The following BLNK variants were observed in gnomAD, a reference collection of about 807,000 sequenced individuals.
BLNK encodes the protein B cell linker.
A neutral mutation model predicts 73.5 loss-of-function variants in BLNK; 29 were observed. That is an observed-to-expected ratio of 0.39 (90% CI 0.29 to 0.54). The LOEUF is 0.54. BLNK is among the 20% of genes least tolerant of loss of function. The pLI, the probability that BLNK is intolerant of heterozygous loss-of-function variation, is 0.61. For missense variants in BLNK, 460 were observed against 562.8 expected, an observed-to-expected ratio of 0.82 and a Z score of 1.85; for synonymous variants, 176 against 200.8, an observed-to-expected ratio of 0.88 and a Z score of 1.04.
In BLNK at chr10:96,191,060, ATGT is replaced by A. The variant is rs2083320699; in HGVS notation, c.*910_*912del. On this transcript the variant is annotated 3_prime_UTR_variant, in exon 17 of 17. Coordinates refer to ENST00000224337, the MANE Select transcript of BLNK (RefSeq NM_013314.4). ...CTGAATCACGCGGGCAGGTTTTCCC[ATGT>A]TGTTGTGATAGTGAGTAAGTCTCAT... Among the ~76,000 whole-genome samples, 1 of 152,026 alleles carries A rather than the reference ATGT, an allele frequency of 6.6e-6. No homozygotes were observed. The highest frequency in any genetic ancestry group is 2.1e-4 in the South Asian group (1 of 4,802).
In BLNK at chr10:96,191,235, C is replaced by CTTTT. The variant is rs34920263; in HGVS notation, c.*734_*737dup. Among the ~76,000 whole-genome samples, 278 of 130,240 alleles carry CTTTT rather than the reference C, an allele frequency of 2.1e-3. 9 individuals carry two copies. Among genetic ancestry groups the CTTTT allele is most frequent in the African/African-American group, 4.8e-3 (164 of 34,412 alleles). 85.4% of individuals were successfully genotyped at this position (130,240 alleles called of 152,430 possible). ...GTGGAACTGTGAGTCCATTAAACCT[C>CTTTT]TTTTTTTTTTTTTTTTTTTATGTAA... On this transcript the variant is annotated 3_prime_UTR_variant, in exon 17 of 17. Coordinates refer to ENST00000224337, the MANE Select transcript of BLNK (RefSeq NM_013314.4).
chr10:96,204,036 A>G lies in BLNK; in HGVS notation c.934+21T>C, dbSNP rs781936696. On this transcript the variant is annotated intron_variant, in intron 13 of 16. Coordinates refer to ENST00000224337, the MANE Select transcript of BLNK (RefSeq NM_013314.4). ...AGCCTCGACCACTCCCTGATACACTACATGGCTTCGTTGTACTTACTTGGC... is the reference window on the plus strand; with the variant it reads ...AGCCTCGACCACTCCCTGATACACTGCATGGCTTCGTTGTACTTACTTGGC... 5 of 1,607,822 alleles carry G rather than the reference A, an allele frequency of 3.1e-6. No homozygotes were observed. The South Asian group carries it at 5.5e-5, about 18-fold the overall frequency.
Position 96,189,790 on chromosome 10 carries a change from G to T in BLNK, c.*2183C>A, listed in dbSNP as rs587717292. 4.5e-5 allele frequency: 41 copies of T among 916,456 alleles called. No homozygotes were observed. The highest frequency in any genetic ancestry group is 3.7e-4 in the Admixed American group (21 of 57,440). 56.8% of individuals were successfully genotyped at this position (916,456 alleles called of 1,614,324 possible). A position where few individuals can be genotyped will look rare whatever the true frequency, so the allele number is the denominator to read the frequency against. The stretch of plus-strand genomic sequence containing the variant: ...CTGGAATCTTGCTACCACCTCCAGG[G>T]ACAGATCACTTTCCAGATATCCTTA... On this transcript the variant is annotated 3_prime_UTR_variant, in exon 17 of 17. Coordinates refer to ENST00000224337, the MANE Select transcript of BLNK (RefSeq NM_013314.4).
chr10:96,195,874 A>G (rs942078844), intron 16 of BLNK, among the ~76,000 whole-genome samples: 6 of 152,214 alleles, frequency 3.9e-5, no homozygotes, highest in Non-Finnish European at 2.9e-5. Context: ...TGCAAATGCT[A>G]TTCTCCTGCC....
intron 13 of BLNK, 53 bp downstream of exon 13, chr10:96,204,004 A>G (rs1256998453): frequency 7.3e-6 from 11 of 1,508,360 alleles, no homozygotes; most frequent in Non-Finnish European, 9.2e-6. Flanking sequence ...ATCAGACTCT[A>G]GGATCCAGCC....
At position 96,200,930 on chromosome 10, in the gene BLNK, T is replaced by G; in HGVS notation, c.1011+52A>C. The stretch of plus-strand genomic sequence containing the variant: ...GTCTTCTTCTCAGAAGACATGCTCT[T>G]TCCTGCAGTTTCCTGGTAACAATTT... On this transcript the variant is annotated intron_variant, in intron 14 of 16. Transcript: ENST00000224337. This position sits in a 1 kb window ranked among gnomAD's most constrained non-coding sequence, Gnocchi z 4.3. The G allele has an allele frequency of 6.7e-7, 1 of 1,502,390 alleles. No homozygotes were observed. The highest frequency in any genetic ancestry group is 2.3e-5 in the East Asian group (1 of 44,266). 93.1% of individuals were successfully genotyped at this position (1,502,390 alleles called of 1,614,324 possible). A position where few individuals can be genotyped will look rare whatever the true frequency, so the allele number is the denominator to read the frequency against.
intron 2 of BLNK, among the ~76,000 whole-genome samples, chr10:96,243,120 G>A (rs1842931083): frequency 1.3e-5 from 2 of 152,124 alleles, no homozygotes; most frequent in Admixed American, 1.3e-4. Flanking sequence ...GGTTGGTAAG[G>A]TAAGTGTTGA....
chr10:96,209,852 C>A lies in BLNK; in HGVS notation c.732G>T (p.Pro244=), dbSNP rs782456480. The change falls in exon 9 of 17, where the codon CCG becomes CCT. Residue 244 remains proline (P), a synonymous_variant. Transcript: ENST00000224337. ...CAGGTACTTACCCGGCCCGTGGCAA[C>A]GGGGATGGTGCAGCTGGTGGAGGTG... The part of the protein sequence containing the change: ...TKSPPPAAPS[P]LPRAGKKPTT... 5 of 1,614,180 alleles carry A rather than the reference C, an allele frequency of 3.1e-6. No homozygotes were observed. In the Admixed American group the frequency reaches 6.7e-5, roughly 22 times the overall value.
chr10:96,235,626 G>A (rs1372666730), intron 3 of BLNK, among the ~76,000 whole-genome samples: 2 of 152,198 alleles, frequency 1.3e-5, no homozygotes, highest in Non-Finnish European at 2.9e-5. Context: ...TCATTGCCAG[G>A]AGCGGGGAAA....
chr10:96,242,487 T>C (rs1424711805), intron 3 of BLNK, among the ~76,000 whole-genome samples: 1 of 152,222 alleles, frequency 6.6e-6, no homozygotes, highest in Admixed American at 6.5e-5. Flanking sequence ...CTGCCTCAGA[T>C]CTGTGTGTGC....
At chr10:96,247,740 C>A (rs1843108790) in intron 1 of BLNK, among the ~76,000 whole-genome samples, 1 of 152,216 alleles carries the variant, frequency 6.6e-6, no homozygotes, top group African/African-American at 2.4e-5. Flanking sequence ...ACCAATCAGA[C>A]TGGTCCCAGG....
intron 9 of BLNK, 91 bp from the exon 10 acceptor site, chr10:96,207,990 A>G (rs948070534): frequency 1.4e-5 from 19 of 1,382,022 alleles, no homozygotes; most frequent in Non-Finnish European, 2.0e-5. Context: ...TTTAAGCTAG[A>G]ATTATGAAAG....
chr10:96,235,017 A>G (rs1842645971), intron 3 of BLNK, among the ~76,000 whole-genome samples: 1 of 152,204 alleles, frequency 6.6e-6, no homozygotes, highest in Non-Finnish European at 1.5e-5. Flanking sequence ...CATGCCACAC[A>G]ATAGAGGGAC....
intron 3 of BLNK, among the ~76,000 whole-genome samples, chr10:96,234,023 A>G (rs1363167464): frequency 2.6e-5 from 4 of 152,142 alleles, no homozygotes; most frequent in Non-Finnish European, 5.9e-5. Flanking sequence ...TTTTATCTCT[A>G]TTTTACAGTG....
chr10:96,215,204 G>A, intron 8 of BLNK, 117 bp downstream of exon 8: 1 of 1,133,808 alleles, frequency 8.8e-7, no homozygotes, highest in East Asian at 2.5e-5. Context: ...ATGAGGACTG[G>A]CCTTCTGTTC....
chr10:96,224,082 G>A (rs973920486), intron 5 of BLNK, 93 bp from the exon 6 acceptor site: 25 of 1,424,746 alleles, frequency 1.8e-5, no homozygotes, highest in South Asian at 3.6e-5. Flanking sequence ...ATAAAACCAC[G>A]GGTGTCTATG....
At chr10:96,244,209 G>A (rs529826769) in intron 2 of BLNK, among the ~76,000 whole-genome samples, 1 of 152,160 alleles carries the variant, frequency 6.6e-6, no homozygotes, top group South Asian at 2.1e-4. Flanking sequence ...CCCATGATGA[G>A]GTATAGAGAC....
Position 96,271,451 on chromosome 10 carries a change from A to G in BLNK, c.-53T>C, listed in dbSNP as rs1554915768. 6.3e-7 allele frequency: 1 copy of G among 1,582,644 alleles called. No homozygotes were observed. Among genetic ancestry groups the G allele is most frequent in the South Asian group, 1.1e-5 (1 of 90,458 alleles). ...ATAACTGTCCAGTGGTCACGTCAGC[A>G]GTTCCTGGCCCTCCTAGGGAGCAGC... On this transcript the variant is annotated 5_prime_UTR_variant, in exon 1 of 17. Coordinates refer to ENST00000224337, the MANE Select transcript of BLNK (RefSeq NM_013314.4).
chr10:96,230,733 A>T (rs1842466240), intron 4 of BLNK, 61 bp downstream of exon 4: 2 of 1,546,002 alleles, frequency 1.3e-6, no homozygotes, highest in Non-Finnish European at 1.8e-6. Context: ...CAGAAATAAG[A>T]TCTTCAAAAG....
Sources: allele counts gnomAD v4.1 joint callset (sites outside exome capture counted in the v4.1 genomes callset), GRCh38; gene constraint gnomAD v4.1.1; non-coding constraint Gnocchi (gnomAD v3.1); transcripts MANE v1.5; gene names NCBI Gene and HGNC (gene_info 2026-07-23, HGNC 2026-07-21).